Variants in ARHGAP39 observed in about 807,000 individuals in gnomAD.
ARHGAP39 encodes Rho GTPase activating protein 39, also known as rho GTPase-activating protein 39.
Under a neutral mutation model 106.9 loss-of-function variants are expected in ARHGAP39, and 44 were observed. That is an observed-to-expected ratio of 0.41 (90% CI 0.32 to 0.53). The LOEUF is 0.53. Among genes scored for constraint, ARHGAP39 ranks in the 20% least tolerant of loss-of-function variants. The pLI, the probability that ARHGAP39 is intolerant of heterozygous loss-of-function variation, is 0.21. For missense variants in ARHGAP39, 1,496 were observed against 1,577.3 expected, an observed-to-expected ratio of 0.95 and a Z score of 0.87; for synonymous variants, 768 against 693.2, an observed-to-expected ratio of 1.11 and a Z score of -1.69.
At chr8:144,696,445 A>G in the ARHGAP39 span, among the ~76,000 whole-genome samples, 1 of 152,194 alleles carries the variant, frequency 6.6e-6, no homozygotes, top group Admixed American at 6.5e-5. Context: ...GCCGTGCCCC[A>G]GTTAAAATTT....
chr8:144,576,553 G>A (rs1818785906), intron 3 of ARHGAP39, among the ~76,000 whole-genome samples: 1 of 152,168 alleles, frequency 6.6e-6, no homozygotes, highest in East Asian at 1.9e-4. Flanking sequence ...AGCCCCGCAA[G>A]TGTGGGTGAC....
chr8:144,609,096 T>C lies in ARHGAP39; in HGVS notation c.-81-3401A>G, dbSNP rs577260132. 1.7e-4 allele frequency among the ~76,000 whole-genome samples: 26 copies of C among 152,362 alleles called. No individual in the cohort carries two copies. In the South Asian group the frequency reaches 5.2e-3, roughly 30 times the overall value. On this transcript the variant is annotated intron_variant, in intron 1 of 11. Transcript: ENST00000377307. ...CTGCAGTATTATTACTGAACACAATTAGTAAGAGTGAACATATGTGCCTTC... is the reference window on the plus strand; with the variant it reads ...CTGCAGTATTATTACTGAACACAATCAGTAAGAGTGAACATATGTGCCTTC...
In ARHGAP39 at chr8:144,670,243, C is replaced by A. The variant is rs1047853644; in HGVS notation, c.-82+15443G>T. ...GCGTACCGGGAAGCTGGATGAGGGC[C>A]TGGGACCAGGCGGCTGTAAAAAGCA... On this transcript the variant is annotated intron_variant, in intron 1 of 11. Coordinates refer to ENST00000377307, the MANE Select transcript of ARHGAP39 (RefSeq NM_025251.3). The surrounding 1 kb of genome is among the most constrained non-coding windows in gnomAD (Gnocchi z 4.4). Among the ~76,000 whole-genome samples the A allele has an allele frequency of 3.3e-5, 5 of 152,112 alleles. No homozygotes were observed. Among genetic ancestry groups the A allele is most frequent in the African/African-American group, 1.2e-4 (5 of 41,424 alleles).
chr8:144,628,407 G>C (rs113420215), intron 1 of ARHGAP39, among the ~76,000 whole-genome samples: 1 of 152,086 alleles, frequency 6.6e-6, no homozygotes, highest in South Asian at 2.1e-4. Flanking sequence ...AGCAACCCTC[G>C]TGCCAGATGA....
At position 144,580,964 on chromosome 8, in the gene ARHGAP39, G is replaced by C; in HGVS notation, c.394C>G (p.Arg132Gly). ...SSPGRGSSVS[R>G]EGSTSSSLEP... ...AGGGAGGAGCTGGTGCTGCCCTCAC[G>C]GCTGACGCTGCTGCCGCGCCCGGGG... Residue 132 changes from arginine to glycine, a missense_variant, in exon 3 of 12, where the codon CGT becomes GGT. Physicochemically the swap from Arg to Gly is moderately radical, Grantham distance 125 (BLOSUM62 -2). Transcript: ENST00000377307. 1.2e-6 allele frequency: 2 copies of C among 1,602,056 alleles called. No individual in the cohort carries two copies. The highest frequency in any genetic ancestry group is 1.7e-6 in the Non-Finnish European group (2 of 1,175,996).
At chr8:144,532,208 G>T in intron 10 of ARHGAP39, 97 bp downstream of exon 10, 8 of 984,712 alleles carry the variant, frequency 8.1e-6, no homozygotes, top group South Asian at 7.0e-5. Flanking sequence ...ACATCACTGG[G>T]CAGGATCAGG....
At chr8:144,610,463 G>A (rs1026124317) in intron 1 of ARHGAP39, among the ~76,000 whole-genome samples, 1 of 152,160 alleles carries the variant, frequency 6.6e-6, no homozygotes, top group Non-Finnish European at 1.5e-5. Context: ...TGTAATCCCA[G>A]CACTTTGGGA....
Position 144,607,749 on chromosome 8 carries a change from C to T in ARHGAP39, c.-81-2054G>A, listed in dbSNP as rs148453077. ...GGGCCACAAATCCTACCTACACTCACGCCGCTCACAAGCGGGGTAACCACC... is the reference window on the plus strand; with the variant it reads ...GGGCCACAAATCCTACCTACACTCATGCCGCTCACAAGCGGGGTAACCACC... On this transcript the variant is annotated intron_variant, in intron 1 of 11. Coordinates refer to ENST00000377307, the MANE Select transcript of ARHGAP39 (RefSeq NM_025251.3). 7.2e-5 allele frequency among the ~76,000 whole-genome samples: 11 copies of T among 152,360 alleles called. No individual in the cohort carries two copies. The East Asian group carries it at 1.7e-3, about 24-fold the overall frequency.
chr8:144,680,191 C>T (rs1394527496), intron 1 of ARHGAP39, among the ~76,000 whole-genome samples: 1 of 152,178 alleles, frequency 6.6e-6, no homozygotes, highest in Admixed American at 6.5e-5. Flanking sequence ...CCACTGAGTA[C>T]GGTTCAGCTA....
intron 1 of ARHGAP39, chr8:144,605,938 C>G: frequency 2.6e-6 from 1 of 382,744 alleles, no homozygotes; most frequent in Non-Finnish European, 4.9e-6. Flanking sequence ...AGGATCCCCC[C>G]CATGCCAGTC....
At chr8:144,544,432 CACAGA>C (rs1431237291) in intron 6 of ARHGAP39, among the ~76,000 whole-genome samples, 1 of 152,264 alleles carries the variant, frequency 6.6e-6, no homozygotes, top group African/African-American at 2.4e-5. Context: ...CTCTCACTGC[CACAGA>C]ACAGTCTATG....
rs148366187 is a variant in ARHGAP39, at chr8:144,605,576, A to T, written c.39T>A (p.Asn13Lys). The T allele has an allele frequency of 6.2e-7, 1 of 1,613,830 alleles. No individual in the cohort carries two copies. Among genetic ancestry groups the T allele is most frequent in the African/African-American group, 1.3e-5 (1 of 74,940 alleles). Reference sequence around the variant, plus strand: ...GAATCCTCGACTCCGGCAGGTCGACATTATGGCTCCTGCACTCGTAGTCCT... The same window carrying T: ...GAATCCTCGACTCCGGCAGGTCGACTTTATGGCTCCTGCACTCGTAGTCCT... ...QTQDYECRSH[N>K]VDLPESRIPG... The change falls in exon 2 of 12, where the codon AAT (asparagine) becomes AAA (lysine). Residue 13 changes from asparagine to lysine, a missense_variant. Physicochemically the swap from Asn to Lys is moderately conservative, Grantham distance 94. Transcript: ENST00000377307.
chr8:144,560,555 T>C (rs1257145282), intron 3 of ARHGAP39, among the ~76,000 whole-genome samples: 1 of 152,236 alleles, frequency 6.6e-6, no homozygotes, highest in Non-Finnish European at 1.5e-5. Context: ...TATGCCGAGA[T>C]GGAAAACCAT....
intron 3 of ARHGAP39, among the ~76,000 whole-genome samples, chr8:144,579,200 TCAAAAAAAA>T (rs1818877071): frequency 2.4e-5 from 1 of 41,160 alleles, no homozygotes. Context: ...AGACTCTGTC[TCAAAAAAAA>T]AAAAAAAAAA....
rs1178260424 is a variant in ARHGAP39, at chr8:144,645,066, G to A, written c.-81-39371C>T. Among the ~76,000 whole-genome samples, 2 of 152,210 alleles carry A rather than the reference G, an allele frequency of 1.3e-5. No individual in the cohort carries two copies. Among genetic ancestry groups the A allele is most frequent in the Non-Finnish European group, 2.9e-5 (2 of 68,038 alleles). ...ACCGCAGTCCCCGTGTTATCCAGGA[G>A]GAAGCGAAGAAAACACTGGGCAGGT... On this transcript the variant is annotated intron_variant, in intron 1 of 11. Transcript: ENST00000377307. The surrounding 1 kb of genome is among the most constrained non-coding windows in gnomAD (Gnocchi z 4.4).
chr8:144,542,192 C>T (rs1253160382), intron 6 of ARHGAP39, among the ~76,000 whole-genome samples: 1 of 152,188 alleles, frequency 6.6e-6, no homozygotes, highest in Non-Finnish European at 1.5e-5. Flanking sequence ...GCTACCATAC[C>T]CACTGCCAGG....
intron 3 of ARHGAP39, among the ~76,000 whole-genome samples, chr8:144,559,084 T>G (rs2130864069): frequency 6.6e-6 from 1 of 152,150 alleles, no homozygotes; most frequent in South Asian, 2.1e-4. Context: ...GGTGGGCACC[T>G]GTAGTCCCAG....
intron 1 of ARHGAP39, among the ~76,000 whole-genome samples, chr8:144,677,444 A>G (rs1382959421): frequency 6.6e-6 from 1 of 152,256 alleles, no homozygotes; most frequent in Admixed American, 6.5e-5. Context: ...GATGTGACGG[A>G]ATAAACGGTG....
intron 2 of ARHGAP39, among the ~76,000 whole-genome samples, chr8:144,581,733 T>C (rs537959785): frequency 1.0e-3 from 159 of 152,336 alleles, no homozygotes; most frequent in South Asian, 0.01. Flanking sequence ...TAAGTGCTGC[T>C]GGACTCCCAA....
Sources: allele counts gnomAD v4.1 joint callset (sites outside exome capture counted in the v4.1 genomes callset), GRCh38; gene constraint gnomAD v4.1.1; non-coding constraint Gnocchi (gnomAD v3.1); transcripts MANE v1.5; gene names NCBI Gene and HGNC (gene_info 2026-07-23, HGNC 2026-07-21).